Variants in RYR2 observed in about 807,000 individuals in gnomAD.
RYR2 encodes the protein cardiac muscle ryanodine receptor-calcium release channel.
RYR2 carries 227 observed loss-of-function variants against 601.1 expected under a neutral mutation model. That is an observed-to-expected ratio of 0.38 (90% CI 0.34 to 0.42). RYR2 has a LOEUF of 0.42. Among genes scored for constraint, RYR2 ranks in the 10% least tolerant of loss-of-function variants. The pLI is 1.00. For missense variants in RYR2, 4,646 were observed against 6,156.5 expected (o/e 0.75, Z 8.21); for synonymous variants, 2,223 against 2,175.1 (o/e 1.02, Z -0.61).
chr1:237,687,664 A>G (rs550823796), intron 63 of RYR2, among the ~76,000 whole-genome samples, 160 bp downstream of exon 63: 11 of 152,238 alleles, frequency 7.2e-5, no homozygotes, highest in Middle Eastern at 3.4e-3. Context: ...TTGTTCATAA[A>G]TAGCATTATG....
intron 1 of RYR2, among the ~76,000 whole-genome samples, chr1:237,177,585 C>T (rs1344776423): frequency 6.6e-6 from 1 of 152,176 alleles, no homozygotes; most frequent in Non-Finnish European, 1.5e-5. Context: ...TTTCACTTAG[C>T]ATTACATTTC....
intron 94 of RYR2, 112 bp from the exon 95 acceptor site, chr1:237,793,755 C>T: frequency 1.2e-6 from 1 of 801,406 alleles, no homozygotes; most frequent in Non-Finnish European, 2.0e-6. Context: ...TTTTACCTTC[C>T]TAGAAGTACA....
chr1:237,571,134 A>T (rs560917621), intron 29 of RYR2, among the ~76,000 whole-genome samples: 1 of 152,226 alleles, frequency 6.6e-6, no homozygotes, highest in Non-Finnish European at 1.5e-5. Context: ...TCTCAAAATA[A>T]TAATAATAAC....
chr1:237,190,679 G>A (rs1291730224), intron 1 of RYR2, among the ~76,000 whole-genome samples: 1 of 152,166 alleles, frequency 6.6e-6, no homozygotes, highest in African/African-American at 2.4e-5. Context: ...GGTATTATAA[G>A]TAATCTAGAA....
chr1:237,056,344 GC>G (rs1175871672), intron 1 of RYR2, among the ~76,000 whole-genome samples: 1 of 138,402 alleles, frequency 7.2e-6, no homozygotes, highest in Non-Finnish European at 1.5e-5. Flanking sequence ...GAGGACTGGA[GC>G]CCTGCACCTG....
intron 27 of RYR2, among the ~76,000 whole-genome samples, chr1:237,564,525 C>T (rs1427987133): frequency 6.6e-6 from 1 of 152,156 alleles, no homozygotes; most frequent in African/African-American, 2.4e-5. Flanking sequence ...CTGCCTCAGC[C>T]TCCCACAGTG....
At chr1:237,647,026 C>T (rs921544793) in intron 48 of RYR2, among the ~76,000 whole-genome samples, 1 of 152,180 alleles carries the variant, frequency 6.6e-6, no homozygotes, top group Non-Finnish European at 1.5e-5. Flanking sequence ...GTGAGCTTCT[C>T]CCTTTTTCCC....
Position 237,663,328 on chromosome 1 carries a change from C to T in RYR2, c.8436+2381C>T, listed in dbSNP as rs1198341881. 2.0e-5 allele frequency among the ~76,000 whole-genome samples: 3 copies of T among 152,154 alleles called. No individual in the cohort carries two copies. In the East Asian group the frequency reaches 5.8e-4, roughly 29 times the overall value. ...AAAGCAATTTTCTATCATGTATAAA[C>T]TCTTCTGACTAAAGGAACACTTTTT... On this transcript the variant is annotated intron_variant, in intron 56 of 104. Transcript: ENST00000366574.
intron 2 of RYR2, among the ~76,000 whole-genome samples, chr1:237,284,749 A>T (rs12048289): frequency 0.47 from 70,475 of 149,700 alleles, 18,828 homozygotes; most frequent in East Asian, 0.77. Flanking sequence ...CACTTGTTGA[A>T]GATGGGCATT....
rs752038761 is a variant in RYR2 at position 237,610,876 on chromosome 1, C to T, written c.4798C>T (p.Pro1600Ser). The change falls in exon 36 of 105, where the codon CCC becomes TCC. Residue 1600 changes from proline (P) to serine (S), a missense_variant. Coordinates refer to ENST00000366574, the MANE Select transcript of RYR2 (RefSeq NM_001035.3). The surrounding 1 kb of genome is among the most constrained non-coding windows in gnomAD (Gnocchi z 4.9). ...GTCACACGTCCTGTGGAGCAGAATG[C>T]CCAACCAGTTTTTGAAGGTAGATGT... ...FLSHVLWSRM[P>S]NQFLKVDVSR... 1 of 1,613,216 alleles carries T rather than the reference C, an allele frequency of 6.2e-7. No individual in the cohort carries two copies. Among genetic ancestry groups the T allele is most frequent in the Non-Finnish European group, 8.5e-7 (1 of 1,179,578 alleles).
intron 71 of RYR2, among the ~76,000 whole-genome samples, chr1:237,716,326 T>C (rs979997940): frequency 5.3e-5 from 8 of 152,078 alleles, no homozygotes; most frequent in Non-Finnish European, 7.4e-5. Context: ...TTACAATGTA[T>C]TTATATTTAT....
chr1:237,165,498 G>A (rs1238072991), intron 1 of RYR2, among the ~76,000 whole-genome samples: 1 of 152,062 alleles, frequency 6.6e-6, no homozygotes, highest in Non-Finnish European at 1.5e-5. Flanking sequence ...CTTAGGGGGT[G>A]GAAATTATGA....
chr1:237,585,139 CA>C (rs1489317017), intron 29 of RYR2, among the ~76,000 whole-genome samples: 1 of 152,162 alleles, frequency 6.6e-6, no homozygotes, highest in Non-Finnish European at 1.5e-5. Context: ...GTCGTTGCAA[CA>C]GAGGCCATAT....
intron 16 of RYR2, among the ~76,000 whole-genome samples, chr1:237,457,233 A>C (rs956049631): frequency 3.3e-5 from 5 of 152,094 alleles, no homozygotes; most frequent in African/African-American, 9.7e-5. Flanking sequence ...TTCCCATCTA[A>C]TCAATGATCT....
intron 10 of RYR2, among the ~76,000 whole-genome samples, chr1:237,396,252 G>C (rs1438230981): frequency 6.6e-6 from 1 of 152,028 alleles, no homozygotes; most frequent in Non-Finnish European, 1.5e-5. Flanking sequence ...AACATTTTGA[G>C]GACTATGAAT....
At chr1:237,472,221 G>A (rs1660806663) in intron 17 of RYR2, among the ~76,000 whole-genome samples, 1 of 152,192 alleles carries the variant, frequency 6.6e-6, no homozygotes. Flanking sequence ...TTTACAAAGT[G>A]CATACATATG....
chr1:237,512,728 C>G (rs1463845669), intron 24 of RYR2, among the ~76,000 whole-genome samples: 1 of 152,122 alleles, frequency 6.6e-6, no homozygotes, highest in Non-Finnish European at 1.5e-5. Context: ...TGAAACTTAT[C>G]TGGGCATAAT....
chr1:237,432,763 C>T (rs1427464596), intron 12 of RYR2, among the ~76,000 whole-genome samples: 1 of 151,994 alleles, frequency 6.6e-6, no homozygotes, highest in East Asian at 1.9e-4. Flanking sequence ...GTGTCTTTTT[C>T]TTACATCTGT....
chr1:237,202,955 T>C (rs187479109), intron 1 of RYR2, among the ~76,000 whole-genome samples: 8 of 152,228 alleles, frequency 5.3e-5, no homozygotes, highest in African/African-American at 1.7e-4. Flanking sequence ...TAAAGTAACA[T>C]AATAACATTT....
Sources: gnomAD v4.1 joint callset for allele counts (sites outside exome capture counted in the v4.1 genomes callset) on GRCh38, gnomAD v4.1.1 for gene constraint, Gnocchi (gnomAD v3.1) non-coding constraint, MANE v1.5 for transcripts, NCBI Gene and HGNC (gene_info 2026-07-23, HGNC 2026-07-21) for gene names.